Variants in TAFA1 observed in about 807,000 individuals in gnomAD.
The protein encoded by TAFA1 is TAFA chemokine like family member 1, also known as chemokine-like protein TAFA-1.
Under a neutral mutation model 18.5 loss-of-function variants are expected in TAFA1, and 4 were observed. The observed-to-expected ratio is 0.22, with a 90% CI of 0.11 to 0.49. The LOEUF (loss-of-function observed/expected upper bound fraction) is 0.49. TAFA1 is among the 20% of genes least tolerant of loss of function. The pLI is 0.98. For missense variants in TAFA1, 147 were observed against 169.0 expected (o/e 0.87, Z 0.72); for synonymous variants, 56 against 55.2 (o/e 1.01, Z -0.06).
At chr3:68,317,284 C>T (rs923458578) in intron 2 of TAFA1, among the ~76,000 whole-genome samples, 3 of 152,184 alleles carry the variant, frequency 2.0e-5, no homozygotes, top group Admixed American at 1.3e-4. Flanking sequence ...TGGTAGTATG[C>T]TGCATTAACA....
chr3:68,069,372 A>G (rs2064723295), intron 2 of TAFA1, among the ~76,000 whole-genome samples: 1 of 152,164 alleles, frequency 6.6e-6, no homozygotes, highest in Non-Finnish European at 1.5e-5. Flanking sequence ...GAACCATCAG[A>G]TTTCGTGAGA....
chr3:68,006,856 G>C, intron 2 of TAFA1, 112 bp downstream of exon 2: 2 of 754,236 alleles, frequency 2.7e-6, no homozygotes, highest in Non-Finnish European at 4.6e-6. Context: ...GCTTGCCTTT[G>C]AATTCCAAGA....
intron 2 of TAFA1, among the ~76,000 whole-genome samples, chr3:68,395,555 C>A (rs554283183): frequency 6.6e-6 from 1 of 152,202 alleles, no homozygotes; most frequent in East Asian, 1.9e-4. Context: ...TGCTAACAAC[C>A]CAAATGTCCA....
the TAFA1 span, among the ~76,000 whole-genome samples, chr3:67,996,308 G>A: frequency 6.6e-6 from 1 of 152,128 alleles, no homozygotes; most frequent in Non-Finnish European, 1.5e-5. Flanking sequence ...GTACATGCTG[G>A]ATCTAGTTTT....
chr3:68,222,149 A>G (rs1477763071), intron 2 of TAFA1, among the ~76,000 whole-genome samples: 2 of 151,724 alleles, frequency 1.3e-5, no homozygotes, highest in Non-Finnish European at 2.9e-5. Flanking sequence ...TTAAACGTTA[A>G]CACATGCAAT....
intron 2 of TAFA1, among the ~76,000 whole-genome samples, chr3:68,203,379 T>G (rs188692780): frequency 8.6e-5 from 13 of 151,888 alleles, no homozygotes; most frequent in Admixed American, 8.5e-4. Context: ...ATTTTCTGTT[T>G]GTTAATTCCA....
At chr3:68,143,498 T>G (rs971559727) in intron 2 of TAFA1, among the ~76,000 whole-genome samples, 1 of 152,178 alleles carries the variant, frequency 6.6e-6, no homozygotes, top group African/African-American at 2.4e-5. Flanking sequence ...TTTATCAACT[T>G]CAGCATATTT....
At chr3:68,133,008 G>C (rs1255039650) in intron 2 of TAFA1, among the ~76,000 whole-genome samples, 1 of 152,162 alleles carries the variant, frequency 6.6e-6, no homozygotes, top group Non-Finnish European at 1.5e-5. Flanking sequence ...TAGGTCTCAT[G>C]TGTAAGCCTT....
At chr3:68,262,307 GTATATATATATATATATATA>G (rs763753757) in intron 2 of TAFA1, among the ~76,000 whole-genome samples, 1,028 of 32,246 alleles carry the variant, frequency 0.032, 27 homozygotes, top group Middle Eastern at 0.067. Flanking sequence ...GATATGGAGG[GTATATATATATATATATATA>G]TATATATATA....
At chr3:68,013,117 T>C (rs541894693) in intron 2 of TAFA1, among the ~76,000 whole-genome samples, 1 of 152,314 alleles carries the variant, frequency 6.6e-6, no homozygotes, top group African/African-American at 2.4e-5. Flanking sequence ...GTTCATCCTT[T>C]TATCTCTCAC....
intron 2 of TAFA1, among the ~76,000 whole-genome samples, chr3:68,184,061 A>G (rs1339748102): frequency 6.6e-6 from 1 of 152,146 alleles, no homozygotes; most frequent in Non-Finnish European, 1.5e-5. Context: ...TCCAAACACT[A>G]ACATTAAGCT....
At chr3:68,529,436 TAAAAAAAAAAAAAA>T (rs533214097) in intron 3 of TAFA1, among the ~76,000 whole-genome samples, 8 of 77,070 alleles carry the variant, frequency 1.0e-4, no homozygotes, top group African/African-American at 1.8e-4. Context: ...CACCATTCTC[TAAAAAAAAAAAAAA>T]AAAAAAAAAA....
chr3:68,054,447 A>G (rs1436469870), intron 2 of TAFA1, among the ~76,000 whole-genome samples: 2 of 152,182 alleles, frequency 1.3e-5, no homozygotes, highest in Admixed American at 6.5e-5. Context: ...TAGATGCCCA[A>G]TCTTCTAGGC....
intron 3 of TAFA1, among the ~76,000 whole-genome samples, chr3:68,420,787 G>A (rs945277797): frequency 6.6e-6 from 1 of 152,114 alleles, no homozygotes. Flanking sequence ...TGTCAATGGT[G>A]CTGAGGTTGA....
chr3:68,213,293 A>G (rs185443562), intron 2 of TAFA1, among the ~76,000 whole-genome samples: 2 of 152,226 alleles, frequency 1.3e-5, no homozygotes, highest in East Asian at 1.9e-4. Context: ...TCCATAATTT[A>G]AGACATAGCA....
At chr3:68,424,584 A>T (rs2071019159) in intron 3 of TAFA1, among the ~76,000 whole-genome samples, 1 of 152,012 alleles carries the variant, frequency 6.6e-6, no homozygotes, top group African/African-American at 2.4e-5. Context: ...GGAAAAAGTC[A>T]TGATACAATT....
chr3:67,999,817 C>A (rs1324774142), upstream of TAFA1, among the ~76,000 whole-genome samples: 1 of 146,248 alleles, frequency 6.8e-6, no homozygotes, highest in Non-Finnish European at 1.5e-5. Flanking sequence ...TTTTTGAGAT[C>A]GAGTTTCTCA....
chr3:67,992,656 A>G, the TAFA1 span, among the ~76,000 whole-genome samples: 1 of 152,218 alleles, frequency 6.6e-6, no homozygotes, highest in Admixed American at 6.5e-5. Flanking sequence ...ACAAATGGGC[A>G]TGTTTGTATT....
chr3:68,300,691 T>C (rs372992080), intron 2 of TAFA1, among the ~76,000 whole-genome samples: 4 of 152,284 alleles, frequency 2.6e-5, no homozygotes, highest in African/African-American at 7.2e-5. Context: ...ATCCCCATAA[T>C]CATCACGTGT....
Sources: gnomAD v4.1 joint callset for allele counts (sites outside exome capture counted in the v4.1 genomes callset) on GRCh38, gnomAD v4.1.1 for gene constraint, MANE v1.5 for transcripts, NCBI Gene and HGNC (gene_info 2026-07-23, HGNC 2026-07-21) for gene names.